Variants in PRRC2C observed in about 807,000 individuals in gnomAD.
PRRC2C encodes the protein protein PRRC2C.
Under a neutral mutation model 317.2 loss-of-function variants are expected in PRRC2C, and 72 were observed. The observed-to-expected ratio is 0.23, with a 90% confidence interval of 0.19 to 0.28. PRRC2C has a LOEUF of 0.28. PRRC2C is among the 10% of genes least tolerant of loss of function. The probability of loss-of-function intolerance (pLI) is 1.00; values close to 1 mark genes in which losing one functional copy is unlikely to be tolerated. For missense variants in PRRC2C, 3,074 were observed against 3,459.7 expected, an observed-to-expected ratio of 0.89 and a Z score of 2.80; for synonymous variants, 1,296 against 1,205.9, an observed-to-expected ratio of 1.07 and a Z score of -1.55.
rs1198692493 is a variant in PRRC2C, at chr1:171,557,647, C to A, written c.5535C>A (p.Ile1845=). Residue 1845 remains isoleucine (I), a synonymous_variant, in exon 19 of 35, where the codon ATC becomes ATA. Transcript: ENST00000647382. The part of the protein sequence containing the change: ...APASAPAPTP[I]LASVSTPASV... ...CCTCAGCCCCAGCTCCAACCCCCAT[C>A]CTTGCCTCAGTTTCAACCCCAGCTT... 1 of 1,551,588 alleles carries A rather than the reference C, an allele frequency of 6.4e-7. No individual in the cohort carries two copies. The highest frequency in any genetic ancestry group is 2.4e-5 in the East Asian group (1 of 40,922).
intron 17 of PRRC2C, among the ~76,000 whole-genome samples, chr1:171,549,017 A>G (rs1457271040): frequency 6.6e-6 from 1 of 151,996 alleles, no homozygotes; most frequent in African/African-American, 2.4e-5. Context: ...TAATTTTTGC[A>G]TTTTTTGTAG....
At chr1:171,562,129 T>C (rs1485076561) in intron 20 of PRRC2C, among the ~76,000 whole-genome samples, 2 of 152,220 alleles carry the variant, frequency 1.3e-5, no homozygotes, top group African/African-American at 4.8e-5. Context: ...AGATAATGCT[T>C]GAGTTAAAGA....
chr1:171,561,946 A>C (rs961003402), intron 20 of PRRC2C, among the ~76,000 whole-genome samples: 3 of 152,146 alleles, frequency 2.0e-5, no homozygotes, highest in African/African-American at 7.2e-5. Flanking sequence ...GGGACTAAAA[A>C]CAGTCAAAAA....
In PRRC2C at chr1:171,532,867, G is replaced by C; in HGVS notation, c.1779G>C (p.Lys593Asn). 1.9e-6 allele frequency: 3 copies of C among 1,588,820 alleles called. No individual in the cohort carries two copies. The highest frequency in any genetic ancestry group is 2.6e-6 in the Non-Finnish European group (3 of 1,173,884). ...KEQEKECELE[K>N]EREKLEEKIE... ...AAGAAAAGGAATGTGAGCTGGAGAAGGAAAGGGAAAAATTAGAGGAGAAAA... is the reference window on the plus strand; with the variant it reads ...AAGAAAAGGAATGTGAGCTGGAGAACGAAAGGGAAAAATTAGAGGAGAAAA... Residue 593 changes from lysine to asparagine, a missense_variant, in exon 12 of 35, where the codon AAG becomes AAC. Lys to Asn is a moderately conservative substitution (Grantham distance 94). Around this residue, in one of 11 missense-constraint regions of PRRC2C, gnomAD observed 1,320 missense variants for 1,395.7 expected, o/e 0.95. Coordinates refer to ENST00000647382, the MANE Select transcript of PRRC2C (RefSeq NM_001387844.1).
chr1:171,499,461 T>G (rs142130016), intron 1 of PRRC2C, among the ~76,000 whole-genome samples: 9 of 152,216 alleles, frequency 5.9e-5, no homozygotes, highest in Non-Finnish European at 1.2e-4. Flanking sequence ...GAACAGCAGA[T>G]GAGATGGCCA....
intron 1 of PRRC2C, among the ~76,000 whole-genome samples, chr1:171,494,683 C>G (rs1440780714): frequency 6.6e-6 from 1 of 152,074 alleles, no homozygotes; most frequent in African/African-American, 2.4e-5. Context: ...TAAGATCTTA[C>G]AAATTTCCGT....
In PRRC2C at chr1:171,584,060, A is replaced by G; in HGVS notation, c.7514A>G (p.Lys2505Arg). 1 of 1,613,998 alleles carries G rather than the reference A, an allele frequency of 6.2e-7. No homozygotes were observed. The highest frequency in any genetic ancestry group is 1.3e-5 in the African/African-American group (1 of 75,060). Reference protein sequence around the residue: ...FPTVQHQELAKAQSGLAFQQT... With the variant: ...FPTVQHQELARAQSGLAFQQT... ...ACTGTCCAACACCAAGAACTTGCCA[A>G]GGCACAATCCGGTCTTGCCTTTCAG... The change falls in exon 29 of 35, where the codon AAG becomes AGG. Residue 2505 changes from lysine (K) to arginine (R), a missense_variant. Transcript: ENST00000647382.
rs1386952329 is a variant in PRRC2C, at chr1:171,557,574, T to C, written c.5462T>C (p.Val1821Ala). 1 of 1,551,330 alleles carries C rather than the reference T, an allele frequency of 6.4e-7. No individual in the cohort carries two copies. The highest frequency in any genetic ancestry group is 8.7e-7 in the Non-Finnish European group (1 of 1,146,930). The change falls in exon 19 of 35, where the codon GTT becomes GCT. Residue 1821 changes from valine (V) to alanine (A), a missense_variant. Val to Ala is a moderately conservative substitution (Grantham distance 64). Around this residue, in one of 11 missense-constraint regions of PRRC2C, gnomAD observed 640 missense variants for 676.1 expected, o/e 0.95. Coordinates refer to ENST00000647382, the MANE Select transcript of PRRC2C (RefSeq NM_001387844.1). ...VSASASVSAS[V>A]PASTSAAAIT... The stretch of plus-strand genomic sequence containing the variant: ...GCCTCAGCCTCAGTCTCAGCTTCAG[T>C]TCCAGCCTCTACTTCAGCTGCAGCT...
At chr1:171,552,727 G>A (rs745762227) in intron 18 of PRRC2C, among the ~76,000 whole-genome samples, 1 of 152,016 alleles carries the variant, frequency 6.6e-6, no homozygotes, top group African/African-American at 2.4e-5. Flanking sequence ...TAATCATGTG[G>A]TTTTTGTCTT....
chr1:171,514,144 C>T (rs953803037), intron 3 of PRRC2C, among the ~76,000 whole-genome samples: 4 of 152,112 alleles, frequency 2.6e-5, no homozygotes, highest in African/African-American at 7.2e-5. Context: ...AGCTTTAGCC[C>T]TCAACTAATT....
intron 16 of PRRC2C, among the ~76,000 whole-genome samples, chr1:171,543,347 T>G (rs1364905010): frequency 6.6e-6 from 1 of 151,746 alleles, no homozygotes; most frequent in East Asian, 1.9e-4. Flanking sequence ...AAAAGTTGGT[T>G]ATAGTAAGCT....
At chr1:171,590,090 G>A (rs149297161) in intron 34 of PRRC2C, among the ~76,000 whole-genome samples, 5 of 151,346 alleles carry the variant, frequency 3.3e-5, no homozygotes, top group African/African-American at 1.2e-4. Flanking sequence ...CTCTGGAATG[G>A]GTAAGATGTG....
At chr1:171,556,215 G>T (rs1005952211) in intron 18 of PRRC2C, among the ~76,000 whole-genome samples, 1 of 152,240 alleles carries the variant, frequency 6.6e-6, no homozygotes, top group East Asian at 1.9e-4. Flanking sequence ...CTCTATGGGC[G>T]TGGGACCTGC....
At chr1:171,581,443 C>G (rs1648565948) in intron 28 of PRRC2C, among the ~76,000 whole-genome samples, 2 of 152,110 alleles carry the variant, frequency 1.3e-5, no homozygotes, top group Non-Finnish European at 2.9e-5. Flanking sequence ...TAGCAATGTA[C>G]TATATTTGTA....
intron 1 of PRRC2C, among the ~76,000 whole-genome samples, chr1:171,487,533 G>A (rs1027438219): frequency 1.3e-5 from 2 of 152,094 alleles, no homozygotes; most frequent in South Asian, 4.1e-4. Flanking sequence ...ATTTTTTTGT[G>A]TCCTTTTCTA....
intron 11 of PRRC2C, among the ~76,000 whole-genome samples, chr1:171,528,431 GAT>G (rs1219697270): frequency 6.6e-6 from 1 of 151,910 alleles, no homozygotes; most frequent in Non-Finnish European, 1.5e-5. Flanking sequence ...TGGCACTACA[GAT>G]GCCCGCCACC....
intron 25 of PRRC2C, 43 bp from the exon 26 acceptor site, chr1:171,577,390 TA>T: frequency 6.8e-7 from 1 of 1,480,976 alleles, no homozygotes; most frequent in South Asian, 1.2e-5. Flanking sequence ...GCAACACTTT[TA>T]AATATGCTCT....
intron 18 of PRRC2C, among the ~76,000 whole-genome samples, chr1:171,551,676 A>G (rs1186620268): frequency 2.0e-5 from 3 of 152,210 alleles, no homozygotes; most frequent in Non-Finnish European, 4.4e-5. Context: ...AGCTTTCTAC[A>G]TATGGCTAGC....
intron 28 of PRRC2C, among the ~76,000 whole-genome samples, chr1:171,582,559 G>T (rs1482085551): frequency 2.6e-5 from 4 of 152,164 alleles, no homozygotes; most frequent in African/African-American, 9.7e-5. Flanking sequence ...AGCCTATTGT[G>T]TCTAATTAGG....
Sources: gnomAD v4.1 joint callset for allele counts (sites outside exome capture counted in the v4.1 genomes callset) on GRCh38, gnomAD v4.1.1 for gene constraint, gnomAD v4.1.1 regional missense constraint, MANE v1.5 for transcripts, NCBI Gene and HGNC (gene_info 2026-07-23, HGNC 2026-07-21) for gene names.